KCNK1: variants seen among roughly 807,000 people sequenced by gnomAD.
The protein encoded by KCNK1 is potassium channel subfamily K member 1.
In KCNK1, 10 loss-of-function variants were observed where a neutral mutation model predicts 22.2. The observed-to-expected ratio is 0.45, with a 90% CI of 0.28 to 0.76. The LOEUF (loss-of-function observed/expected upper bound fraction) is 0.76. Ranked by LOEUF, KCNK1 falls within the 30% of genes least tolerant of loss-of-function variation. The probability of loss-of-function intolerance (pLI) is 0.14; values close to 1 mark genes in which losing one functional copy is unlikely to be tolerated. For synonymous variants in KCNK1, 200 were observed against 186.4 expected (o/e 1.07, Z -0.60); for missense variants, 378 against 421.0 (o/e 0.90, Z 0.89).
At chr1:233,633,704 T>A (rs955981361) in intron 1 of KCNK1, among the ~76,000 whole-genome samples, 1 of 152,190 alleles carries the variant, frequency 6.6e-6, no homozygotes, top group African/African-American at 2.4e-5. Flanking sequence ...ATTCCATGTT[T>A]TTTTCATTTT....
In KCNK1 at chr1:233,666,686, G is replaced by A; in HGVS notation, c.447G>A (p.Leu149=). 2 of 1,614,112 alleles carry A rather than the reference G, an allele frequency of 1.2e-6. No individual in the cohort carries two copies. The highest frequency in any genetic ancestry group is 1.7e-6 in the Non-Finnish European group (2 of 1,180,038). Residue 149 remains leucine, a synonymous_variant, in exon 2 of 3, where the codon CTG becomes CTA. Transcript: ENST00000366621. Reference sequence around the variant, plus strand: ...GCATTCCCTTCACCCTCCTGTTCCTGACGGCTGTGGTCCAGCGCATCACCG... The same window carrying A: ...GCATTCCCTTCACCCTCCTGTTCCTAACGGCTGTGGTCCAGCGCATCACCG... ...VIGIPFTLLF[L]TAVVQRITVH...
chr1:233,663,254 G>A (rs1658434335), intron 1 of KCNK1, among the ~76,000 whole-genome samples: 1 of 152,176 alleles, frequency 6.6e-6, no homozygotes, highest in Non-Finnish European at 1.5e-5. Context: ...ATTACTTTCA[G>A]TAAGGATCTG....
rs573642186 is a variant in KCNK1 at position 233,671,103 on chromosome 1, T to C, written c.752-168T>C. On this transcript the variant is annotated intron_variant, in intron 2 of 2. Coordinates refer to ENST00000366621, the MANE Select transcript of KCNK1 (RefSeq NM_002245.4). ...TCTTTCACTCTTTAATAATGGGTAG[T>C]TCCTCTTTGAACCATGAACTTAAAA... Among the ~76,000 whole-genome samples the C allele has an allele frequency of 2.0e-5, 3 of 152,354 alleles. No homozygotes were observed. In the East Asian group the frequency reaches 5.8e-4, roughly 29 times the overall value.
intron 1 of KCNK1, among the ~76,000 whole-genome samples, chr1:233,622,920 A>C (rs1657616625): frequency 6.6e-6 from 1 of 152,154 alleles, no homozygotes; most frequent in South Asian, 2.1e-4. Context: ...ACTGGGATTG[A>C]CCAACTTTGT....
Position 233,614,180 on chromosome 1 carries a change from G to T in KCNK1, c.9G>T (p.Gln3His). ML[Q>H]SLAGSSCVRL... ...CGGCGGCGGTGGAGAAGATGCTGCA[G>T]TCCCTGGCCGGCAGCTCGTGCGTGC... Residue 3 changes from glutamine (Q) to histidine (H), a missense_variant, in exon 1 of 3, where the codon CAG (glutamine) becomes CAT (histidine). Coordinates refer to ENST00000366621, the MANE Select transcript of KCNK1 (RefSeq NM_002245.4). 1 of 1,602,498 alleles carries T rather than the reference G, an allele frequency of 6.2e-7. No individual in the cohort carries two copies. Among genetic ancestry groups the T allele is most frequent in the Non-Finnish European group, 8.5e-7 (1 of 1,178,634 alleles).
chr1:233,619,630 G>A (rs1336970746), intron 1 of KCNK1, among the ~76,000 whole-genome samples: 1 of 151,982 alleles, frequency 6.6e-6, no homozygotes, highest in African/African-American at 2.4e-5. Context: ...GAGTGAAGTG[G>A]GCCAGACACG....
intron 1 of KCNK1, among the ~76,000 whole-genome samples, chr1:233,634,728 CT>C (rs1473784350): frequency 1.9e-4 from 29 of 152,234 alleles, no homozygotes; most frequent in Non-Finnish European, 1.3e-4. Context: ...AGGGAAACTT[CT>C]GTTGCTAATG....
chr1:233,667,661 C>T (rs964020590), intron 2 of KCNK1, among the ~76,000 whole-genome samples: 1 of 130,588 alleles, frequency 7.7e-6, no homozygotes, highest in African/African-American at 2.9e-5. Context: ...ACCCGGGAGG[C>T]GGAGCTTGCA....
intron 1 of KCNK1, among the ~76,000 whole-genome samples, chr1:233,648,966 T>C (rs1316201924): frequency 6.6e-6 from 1 of 151,952 alleles, no homozygotes; most frequent in Admixed American, 6.6e-5. Flanking sequence ...GAGAGATGAG[T>C]CTCTATCTGT....
intron 1 of KCNK1, among the ~76,000 whole-genome samples, chr1:233,627,670 A>G (rs1657714464): frequency 1.3e-5 from 2 of 152,184 alleles, no homozygotes; most frequent in African/African-American, 4.8e-5. Flanking sequence ...GACAGCAGGG[A>G]AGAGCACTGT....
At chr1:233,667,729 C>CAAAAAAAAAAAA (rs71170433) in intron 2 of KCNK1, among the ~76,000 whole-genome samples, 1 of 86,094 alleles carries the variant, frequency 1.2e-5, no homozygotes, top group South Asian at 4.7e-4. Flanking sequence ...GACTCCGTCT[C>CAAAAAAAAAAAA]AAAAAAAAAA....
In KCNK1 at chr1:233,664,780, G is replaced by T. The variant is rs1218811543; in HGVS notation, c.356-1815G>T. The stretch of plus-strand genomic sequence containing the variant: ...TAAGTATAAGGCAGAGAATTTGGGG[G>T]ATTTGCAACTAAGGAGTTTGTTTAT... On this transcript the variant is annotated intron_variant, in intron 1 of 2. Transcript: ENST00000366621. Among the ~76,000 whole-genome samples the T allele has an allele frequency of 2.0e-5, 3 of 152,328 alleles. No individual in the cohort carries two copies. In the South Asian group the frequency reaches 6.2e-4, roughly 32 times the overall value.
intron 1 of KCNK1, among the ~76,000 whole-genome samples, chr1:233,653,890 AG>A: frequency 6.6e-6 from 1 of 152,128 alleles, no homozygotes; most frequent in South Asian, 2.1e-4. Context: ...ATTGATACCA[AG>A]AAGTGGGAGT....
chr1:233,663,346 G>C (rs905543633), intron 1 of KCNK1, among the ~76,000 whole-genome samples: 2 of 152,184 alleles, frequency 1.3e-5, no homozygotes, highest in Admixed American at 1.3e-4. Flanking sequence ...ACTGCAGAGA[G>C]AGGTCTTAGA....
At chr1:233,662,238 CCTTCTT>C (rs147341553) in intron 1 of KCNK1, among the ~76,000 whole-genome samples, 33,141 of 149,378 alleles carry the variant, frequency 0.22, 4,015 homozygotes, top group Non-Finnish European at 0.26. Flanking sequence ...TTCTTCTTCT[CCTTCTT>C]CTTCTTCTTC....
intron 1 of KCNK1, among the ~76,000 whole-genome samples, chr1:233,655,323 G>A (rs1039989395): frequency 2.6e-5 from 4 of 152,160 alleles, no homozygotes; most frequent in African/African-American, 9.7e-5. Flanking sequence ...CACAGCTGGA[G>A]GGGAAATTGC....
chr1:233,638,545 C>A (rs1355296115), intron 1 of KCNK1, among the ~76,000 whole-genome samples: 1 of 152,134 alleles, frequency 6.6e-6, no homozygotes, highest in East Asian at 1.9e-4. Context: ...TCTGCAGCAG[C>A]TTTGTGAAGC....
At chr1:233,621,730 GT>G (rs532798200) in intron 1 of KCNK1, among the ~76,000 whole-genome samples, 221 of 151,520 alleles carry the variant, frequency 1.5e-3, no homozygotes, top group African/African-American at 5.0e-3. Context: ...AAGGTTTGGG[GT>G]TTTTTTTTAA....
At chr1:233,655,150 G>T (rs1279284609) in intron 1 of KCNK1, among the ~76,000 whole-genome samples, 2 of 152,222 alleles carry the variant, frequency 1.3e-5, no homozygotes, top group African/African-American at 4.8e-5. Context: ...TTGAGCCAAA[G>T]AAGATTATTC....
Sources: gnomAD v4.1 joint callset for allele counts (sites outside exome capture counted in the v4.1 genomes callset) on GRCh38, gnomAD v4.1.1 for gene constraint, MANE v1.5 for transcripts, NCBI Gene and HGNC (gene_info 2026-07-23, HGNC 2026-07-21) for gene names.